Variants in KAZN observed in about 807,000 individuals in gnomAD.
KAZN encodes kazrin.
Under a neutral mutation model 87.4 loss-of-function variants are expected in KAZN, and 40 were observed. The observed-to-expected ratio is 0.46, with a 90% CI of 0.36 to 0.60. The LOEUF is 0.60. Among genes scored for constraint, KAZN ranks in the 20% least tolerant of loss-of-function variants. The pLI is 0.00. For synonymous variants in KAZN, 466 were observed against 458.3 expected (o/e 1.02, Z -0.22); for missense variants, 898 against 1,073.9 (o/e 0.84, Z 2.29).
At chr1:13,898,533 T>A (rs1639131520) in intron 1 of KAZN, among the ~76,000 whole-genome samples, 1 of 152,214 alleles carries the variant, frequency 6.6e-6, no homozygotes, top group African/African-American at 2.4e-5. Flanking sequence ...ATCTAATATG[T>A]CCTGCTGACG....
At position 14,029,278 on chromosome 1, in the gene KAZN, A is replaced by G. The variant is rs1484660599; in HGVS notation, c.91+135522A>G. Among the ~76,000 whole-genome samples the G allele has an allele frequency of 1.3e-4, 10 of 78,932 alleles. No homozygotes were observed. The East Asian group carries it at 2.2e-3, about 17-fold the overall frequency. 51.8% of individuals were successfully genotyped at this position (78,932 alleles called of 152,430 possible). ...TTGGCTGCATAAATGTCTTCTTTTG[A>G]GAAGTGTCTGTTCATGTCCTTCGCC... is the stretch of plus-strand genomic sequence containing the variant. On this transcript the variant is annotated intron_variant, in intron 1 of 16. Transcript: ENST00000636203.
At chr1:14,857,559 G>T (rs2101005858) in intron 1 of KAZN, among the ~76,000 whole-genome samples, 1 of 152,014 alleles carries the variant, frequency 6.6e-6, no homozygotes, top group African/African-American at 2.4e-5. Context: ...ATAAAAGCTG[G>T]CACTAAGGGT....
intron 1 of KAZN, among the ~76,000 whole-genome samples, chr1:14,091,225 A>T (rs1307610685): frequency 6.6e-6 from 1 of 151,554 alleles, no homozygotes; most frequent in African/African-American, 2.4e-5. Flanking sequence ...GCCTTCTCAA[A>T]CTCCAATCTC....
At chr1:14,514,595 TTATATA>T (rs754845099) in intron 2 of KAZN, among the ~76,000 whole-genome samples, 1,163 of 66,386 alleles carry the variant, frequency 0.018, 64 homozygotes, top group East Asian at 0.074. Flanking sequence ...TTTTTATATT[TTATATA>T]TATATATATA....
Position 15,063,609 on chromosome 1 carries a change from A to G in KAZN, c.1085A>G (p.Asn362Ser), listed in dbSNP as rs1638979814. The G allele has an allele frequency of 6.2e-7, 1 of 1,613,554 alleles. No homozygotes were observed. Among genetic ancestry groups the G allele is most frequent in the African/African-American group, 1.3e-5 (1 of 74,802 alleles). Residue 362 changes from asparagine (N) to serine (S), a missense_variant, in exon 7 of 15, where the codon AAC (asparagine) becomes AGC (serine). Asn to Ser is a conservative substitution (Grantham distance 46). Coordinates refer to ENST00000376030, the MANE Select transcript of KAZN (RefSeq NM_201628.3). ...GGCCCAGTTCAGAAGAACCTGCACA[A>G]CCCTATTGTACAGGTAGGTGTGCCC... ...SPGPVQKNLH[N>S]PIVQSLEDLE... is the part of the protein sequence containing the mutation.
At chr1:13,915,084 T>C (rs1193914072) in intron 1 of KAZN, among the ~76,000 whole-genome samples, 1 of 152,204 alleles carries the variant, frequency 6.6e-6, no homozygotes, top group Non-Finnish European at 1.5e-5. Flanking sequence ...AGAAATCACA[T>C]GTGTGTGTAA....
At position 14,642,732 on chromosome 1, in the gene KAZN, G is replaced by T. The variant is rs6661626; in HGVS notation, c.226+43509G>T. Among the ~76,000 whole-genome samples, 601 of 152,270 alleles carry T rather than the reference G, an allele frequency of 3.9e-3. 8 individuals are homozygous for T. Among genetic ancestry groups the T allele is most frequent in the African/African-American group, 0.014 (575 of 41,546 alleles). On this transcript the variant is annotated intron_variant, in intron 1 of 14. Coordinates refer to ENST00000376030, the MANE Select transcript of KAZN (RefSeq NM_201628.3). Reference sequence around the variant, plus strand: ...CAAAGAAACGATAAATATTTGAGATGATTGATATGCTAATTATTCTGATCT... The same window carrying T: ...CAAAGAAACGATAAATATTTGAGATTATTGATATGCTAATTATTCTGATCT...
At chr1:13,964,683 G>A (rs951048380) in intron 1 of KAZN, among the ~76,000 whole-genome samples, 1 of 152,176 alleles carries the variant, frequency 6.6e-6, no homozygotes, top group African/African-American at 2.4e-5. Flanking sequence ...TCTACTGGGT[G>A]GCATGACATC....
At chr1:13,982,636 G>A (rs1156903057) in intron 1 of KAZN, among the ~76,000 whole-genome samples, 2 of 152,208 alleles carry the variant, frequency 1.3e-5, no homozygotes, top group African/African-American at 4.8e-5. Context: ...CGAGTGGTCT[G>A]TTTTGACAGG....
chr1:14,233,121 AG>A (rs1388535933), intron 2 of KAZN, among the ~76,000 whole-genome samples: 1 of 151,942 alleles, frequency 6.6e-6, no homozygotes, highest in African/African-American at 2.4e-5. Flanking sequence ...AGAGGCACTT[AG>A]TTGCTAAATT....
chr1:14,935,723 C>G (rs1458667094), intron 1 of KAZN, among the ~76,000 whole-genome samples: 1 of 152,196 alleles, frequency 6.6e-6, no homozygotes, highest in Non-Finnish European at 1.5e-5. Context: ...GGCCTGTTCC[C>G]TGCCCAGCTG....
At chr1:14,040,064 CGTGTGTGTGTGT>C (rs1408019256) in intron 1 of KAZN, among the ~76,000 whole-genome samples, 1 of 148,964 alleles carries the variant, frequency 6.7e-6, no homozygotes, top group South Asian at 2.1e-4. Context: ...TGTGTGTGCA[CGTGTGTGTGTGT>C]GCACGTGTGT....
intron 1 of KAZN, among the ~76,000 whole-genome samples, chr1:13,953,486 C>G (rs1245775433): frequency 6.6e-6 from 1 of 152,162 alleles, no homozygotes; most frequent in Non-Finnish European, 1.5e-5. Context: ...ATTCCTGATC[C>G]AAAATAACGT....
At chr1:14,048,285 T>A (rs1642162961) in intron 1 of KAZN, among the ~76,000 whole-genome samples, 1 of 152,184 alleles carries the variant, frequency 6.6e-6, no homozygotes, top group South Asian at 2.1e-4. Context: ...CATCTCCTCT[T>A]CTCCATGCCT....
chr1:13,955,808 A>G (rs560728520), intron 1 of KAZN, among the ~76,000 whole-genome samples: 2 of 152,154 alleles, frequency 1.3e-5, no homozygotes, highest in Non-Finnish European at 2.9e-5. Context: ...CCTAACTCCA[A>G]CCTTTAGGGA....
At chr1:14,164,834 C>T (rs753288764) in intron 1 of KAZN, among the ~76,000 whole-genome samples, 18 of 152,048 alleles carry the variant, frequency 1.2e-4, no homozygotes, top group Admixed American at 2.0e-4. Context: ...CCACCGTGCC[C>T]GGCCAAGTTT....
At chr1:14,307,623 A>T (rs1655016913) in intron 2 of KAZN, among the ~76,000 whole-genome samples, 1 of 152,168 alleles carries the variant, frequency 6.6e-6, no homozygotes, top group South Asian at 2.1e-4. Flanking sequence ...AGTGCTGTTG[A>T]TCTTTGTGGG....
At chr1:14,607,971 T>C (rs1386680266) in intron 1 of KAZN, among the ~76,000 whole-genome samples, 2 of 152,208 alleles carry the variant, frequency 1.3e-5, no homozygotes, top group Non-Finnish European at 2.9e-5. Context: ...AGTTAGATAT[T>C]GTTATCCTCT....
At chr1:14,635,501 T>G (rs1679899553) in intron 1 of KAZN, among the ~76,000 whole-genome samples, 1 of 152,170 alleles carries the variant, frequency 6.6e-6, no homozygotes, top group African/African-American at 2.4e-5. Context: ...GCCTCGCGGC[T>G]CTAGGTCCAG....
Sources: allele counts gnomAD v4.1 joint callset (sites outside exome capture counted in the v4.1 genomes callset), GRCh38; gene constraint gnomAD v4.1.1; transcripts MANE v1.5; gene names NCBI Gene and HGNC (gene_info 2026-07-23, HGNC 2026-07-21).